UBE2E2: variants seen among roughly 807,000 people sequenced by gnomAD.
The protein encoded by UBE2E2 is ubiquitin conjugating enzyme E2 E2.
Under a neutral mutation model 24.7 loss-of-function variants are expected in UBE2E2, and 6 were observed. That is an observed-to-expected ratio of 0.24 (90% CI 0.13 to 0.48). The LOEUF is 0.48. Ranked by LOEUF, UBE2E2 falls within the 20% of genes least tolerant of loss-of-function variation. The pLI is 0.99. For missense variants in UBE2E2, 169 were observed against 245.0 expected (o/e 0.69, Z 2.07); for synonymous variants, 104 against 83.6 (o/e 1.24, Z -1.33).
intron 3 of UBE2E2, among the ~76,000 whole-genome samples, chr3:23,351,664 A>G (rs1375787252): frequency 1.3e-5 from 2 of 152,228 alleles, no homozygotes; most frequent in African/African-American, 2.4e-5. Flanking sequence ...TAAAGGGATC[A>G]ATTCAACAAG....
At chr3:23,429,775 A>G (rs1698012783) in intron 3 of UBE2E2, among the ~76,000 whole-genome samples, 1 of 152,228 alleles carries the variant, frequency 6.6e-6, no homozygotes, top group South Asian at 2.1e-4. Flanking sequence ...AAAACCGAAA[A>G]GAATCGACAA....
At chr3:23,302,454 A>G (rs960976381) in intron 3 of UBE2E2, among the ~76,000 whole-genome samples, 8 of 152,152 alleles carry the variant, frequency 5.3e-5, no homozygotes, top group Non-Finnish European at 7.4e-5. Flanking sequence ...AAAACACCGC[A>G]CATTCTTAAC....
chr3:23,531,689 T>C (rs897516009), intron 4 of UBE2E2, among the ~76,000 whole-genome samples: 12 of 152,328 alleles, frequency 7.9e-5, no homozygotes, highest in Middle Eastern at 3.4e-3. Context: ...AATAGTAAAT[T>C]GTAACTACTA....
chr3:23,236,605 C>T (rs562824001), intron 3 of UBE2E2, among the ~76,000 whole-genome samples: 2 of 151,358 alleles, frequency 1.3e-5, no homozygotes, highest in South Asian at 4.2e-4. Flanking sequence ...GGTAGCATGT[C>T]AGTTTACATG....
chr3:23,465,107 A>G (rs1419917888), intron 3 of UBE2E2, among the ~76,000 whole-genome samples: 1 of 152,202 alleles, frequency 6.6e-6, no homozygotes, highest in Non-Finnish European at 1.5e-5. Flanking sequence ...TTGTTATTTT[A>G]GATATTATTT....
chr3:23,511,344 A>G (rs1205715710), intron 4 of UBE2E2, among the ~76,000 whole-genome samples: 3 of 152,260 alleles, frequency 2.0e-5, no homozygotes, highest in African/African-American at 4.8e-5. Flanking sequence ...ACTGACATCC[A>G]TATCTACTGG....
chr3:23,295,748 A>G lies in UBE2E2; in HGVS notation c.227+78436A>G, dbSNP rs114529393. Among the ~76,000 whole-genome samples the G allele has an allele frequency of 6.1e-3, 934 of 152,286 alleles. 14 individuals carry two copies. The highest frequency in any genetic ancestry group is 0.021 in the African/African-American group (866 of 41,556). On this transcript the variant is annotated intron_variant, in intron 3 of 5. Coordinates refer to ENST00000396703, the MANE Select transcript of UBE2E2 (RefSeq NM_152653.4). The stretch of plus-strand genomic sequence containing the variant: ...CCTTTGGATTTGTTGTATACATTGT[A>G]ATATGCACCACTTGCACTTCTATTA...
intron 3 of UBE2E2, among the ~76,000 whole-genome samples, chr3:23,396,333 A>ATATATATATATATGTGTATATATACG (rs1559371523): frequency 6.8e-6 from 1 of 146,010 alleles, no homozygotes; most frequent in East Asian, 2.0e-4. Flanking sequence ...ATATATACGT[A>ATATATATATATATGTGTATATATACG]TATATATATA....
At chr3:23,476,149 T>C (rs1699129458) in intron 3 of UBE2E2, among the ~76,000 whole-genome samples, 2 of 152,232 alleles carry the variant, frequency 1.3e-5, no homozygotes, top group South Asian at 4.1e-4. Context: ...TTCCCTTACC[T>C]AACTTACTTT....
intron 3 of UBE2E2, among the ~76,000 whole-genome samples, chr3:23,463,365 G>T (rs762975140): frequency 9.9e-5 from 15 of 152,076 alleles, no homozygotes; most frequent in Admixed American, 2.6e-4. Context: ...AGGAATCTGG[G>T]CCGGTAACCT....
intron 1 of UBE2E2, among the ~76,000 whole-genome samples, chr3:23,206,938 C>T (rs1011258593): frequency 1.3e-5 from 2 of 152,106 alleles, no homozygotes; most frequent in African/African-American, 4.8e-5. Flanking sequence ...TAAGAGTAAT[C>T]AAAAGGATCC....
At chr3:23,435,281 C>A (rs1033502437) in intron 3 of UBE2E2, among the ~76,000 whole-genome samples, 1 of 152,186 alleles carries the variant, frequency 6.6e-6, no homozygotes, top group Non-Finnish European at 1.5e-5. Context: ...ATACAACACA[C>A]AATAATAACT....
chr3:23,270,934 C>G (rs774428375), intron 3 of UBE2E2: 5 of 456,726 alleles, frequency 1.1e-5, no homozygotes, highest in South Asian at 7.7e-5. Flanking sequence ...TAAGTTTATA[C>G]TCCATTTGTT....
At chr3:23,312,579 A>T (rs547469613) in intron 3 of UBE2E2, among the ~76,000 whole-genome samples, 1 of 151,136 alleles carries the variant, frequency 6.6e-6, no homozygotes, top group South Asian at 2.1e-4. Flanking sequence ...CCCTGAGTTC[A>T]GTTGTTTTGT....
At chr3:23,295,875 G>A (rs1387065565) in intron 3 of UBE2E2, among the ~76,000 whole-genome samples, 1 of 152,144 alleles carries the variant, frequency 6.6e-6, no homozygotes, top group East Asian at 1.9e-4. Context: ...AAGGTTGATG[G>A]AGGGATTGGA....
intron 5 of UBE2E2, among the ~76,000 whole-genome samples, chr3:23,580,698 C>T (rs1224385726): frequency 6.6e-6 from 1 of 152,106 alleles, no homozygotes; most frequent in Non-Finnish European, 1.5e-5. Context: ...TGCTAGGAAG[C>T]CCCTGGAAGA....
At chr3:23,509,238 G>C (rs1251209377) in intron 4 of UBE2E2, among the ~76,000 whole-genome samples, 1 of 152,184 alleles carries the variant, frequency 6.6e-6, no homozygotes, top group Non-Finnish European at 1.5e-5. Flanking sequence ...TTCAGTTTTG[G>C]CATTTTCCTA....
chr3:23,484,901 C>T (rs1559398569), intron 3 of UBE2E2, among the ~76,000 whole-genome samples: 1 of 152,162 alleles, frequency 6.6e-6, no homozygotes. Context: ...TGGGTCCCTC[C>T]ATGACACATG....
At chr3:23,263,140 C>G (rs1697948282) in intron 3 of UBE2E2, among the ~76,000 whole-genome samples, 1 of 152,166 alleles carries the variant, frequency 6.6e-6, no homozygotes, top group Non-Finnish European at 1.5e-5. Flanking sequence ...TACAGCAATA[C>G]ATATTAACTC....
Sources: gnomAD v4.1 joint callset for allele counts (sites outside exome capture counted in the v4.1 genomes callset) on GRCh38, gnomAD v4.1.1 for gene constraint, MANE v1.5 for transcripts, NCBI Gene and HGNC (gene_info 2026-07-23, HGNC 2026-07-21) for gene names.